BICDL1: variants seen among roughly 807,000 people sequenced by gnomAD.
The protein encoded by BICDL1 is BICD family like cargo adaptor 1, also known as BICD family-like cargo adapter 1.
A neutral mutation model predicts 76.8 loss-of-function variants in BICDL1; 20 were observed. That is an observed-to-expected ratio of 0.26 (90% CI 0.18 to 0.38). BICDL1 has a LOEUF of 0.38. Among genes scored for constraint, BICDL1 ranks in the 10% least tolerant of loss-of-function variants. The pLI, the probability that BICDL1 is intolerant of heterozygous loss-of-function variation, is 1.00. For missense variants in BICDL1, 700 were observed against 798.6 expected (o/e 0.88, Z 1.49); for synonymous variants, 383 against 337.1 (o/e 1.14, Z -1.49).
chr12:120,064,993 G>A, intron 4 of BICDL1, 114 bp downstream of exon 4: 1 of 1,236,038 alleles, frequency 8.1e-7, no homozygotes, highest in Non-Finnish European at 1.1e-6. Context: ...GGGAGTGGAT[G>A]ATGCTGAGGT....
intron 2 of BICDL1, among the ~76,000 whole-genome samples, chr12:120,056,704 G>A (rs1013819090): frequency 1.3e-5 from 2 of 151,630 alleles, no homozygotes; most frequent in African/African-American, 2.4e-5. Context: ...GTGACAGAGC[G>A]AGACTCCGTC....
chr12:120,007,368 T>A (rs914328784), intron 2 of BICDL1, among the ~76,000 whole-genome samples: 1 of 152,178 alleles, frequency 6.6e-6, no homozygotes, highest in Non-Finnish European at 1.5e-5. Flanking sequence ...GACCTGAGAC[T>A]CTGTTCTAGT....
intron 2 of BICDL1, among the ~76,000 whole-genome samples, chr12:120,031,566 G>A (rs1361259340): frequency 6.6e-6 from 1 of 152,110 alleles, no homozygotes; most frequent in Non-Finnish European, 1.5e-5. Context: ...TTCAGAGTAA[G>A]TTGAAGATAT....
intron 2 of BICDL1, among the ~76,000 whole-genome samples, chr12:120,003,158 TAAAAAAAA>T (rs747568511): frequency 7.3e-5 from 10 of 136,656 alleles, no homozygotes; most frequent in Non-Finnish European, 1.6e-4. Flanking sequence ...ACCCCATCTT[TAAAAAAAA>T]AAAAAAAAAA....
In BICDL1 at chr12:120,071,225, G is replaced by A. The variant is rs1471668934; in HGVS notation, c.910-397G>A. 2.0e-5 allele frequency among the ~76,000 whole-genome samples: 3 copies of A among 149,230 alleles called. No individual in the cohort carries two copies. Among genetic ancestry groups the A allele is most frequent in the East Asian group, 2.0e-4 (1 of 4,898 alleles). ...TGGCGTGATCTTAGCTCATTGCAACGTCCGCCTCCTGGGTTCAAGCGATTC... is the reference window on the plus strand; with the variant it reads ...TGGCGTGATCTTAGCTCATTGCAACATCCGCCTCCTGGGTTCAAGCGATTC... On this transcript the variant is annotated intron_variant, in intron 4 of 9. Coordinates refer to ENST00000548673, the MANE Select transcript of BICDL1 (RefSeq NM_001367886.1). This position sits in a 1 kb window ranked among gnomAD's most constrained non-coding sequence, Gnocchi z 4.8.
rs1951463774 is a variant in BICDL1, at chr12:119,989,414, C to T, written c.-455C>T. Among the ~76,000 whole-genome samples the T allele has an allele frequency of 6.6e-6, 1 of 150,706 alleles. No homozygotes were observed. The highest frequency in any genetic ancestry group is 1.5e-5 in the Non-Finnish European group (1 of 67,524). ...GCAGCAGCAGCAGGAAGCGTCGCGG[C>T]GACAGCGGAGCGCAGCCCGCCCCGT... is the stretch of plus-strand genomic sequence containing the variant. On this transcript the variant is annotated 5_prime_UTR_variant, in exon 1 of 10. Transcript: ENST00000548673.
intron 2 of BICDL1, among the ~76,000 whole-genome samples, chr12:120,023,575 G>C (rs1449777585): frequency 6.6e-6 from 1 of 152,072 alleles, no homozygotes; most frequent in Non-Finnish European, 1.5e-5. Context: ...GATAACTTGA[G>C]GTCAGGAGTT....
At chr12:120,074,135 G>A (rs776818803) in intron 6 of BICDL1, among the ~76,000 whole-genome samples, 17 of 152,014 alleles carry the variant, frequency 1.1e-4, no homozygotes, top group Admixed American at 2.0e-4. Context: ...GGATGGTCTC[G>A]ATCTCCTGAC....
intron 2 of BICDL1, among the ~76,000 whole-genome samples, chr12:120,022,412 T>G (rs573612234): frequency 6.8e-6 from 1 of 147,080 alleles, no homozygotes; most frequent in East Asian, 2.0e-4. Context: ...AAATATATAT[T>G]TATATATATA....
intron 2 of BICDL1, among the ~76,000 whole-genome samples, chr12:120,055,321 T>C (rs1400400250): frequency 1.3e-5 from 2 of 152,204 alleles, no homozygotes; most frequent in African/African-American, 4.8e-5. Context: ...CAAGAAAGTG[T>C]GTAGTGAACA....
chr12:120,025,330 G>A (rs778832564), intron 2 of BICDL1, among the ~76,000 whole-genome samples: 9 of 152,162 alleles, frequency 5.9e-5, no homozygotes, highest in Admixed American at 2.0e-4. Flanking sequence ...GATTACAGGC[G>A]TGAACCACCG....
At chr12:120,072,363 G>A (rs1385721315) in intron 5 of BICDL1, 148 bp from the exon 6 acceptor site, 1 of 671,386 alleles carries the variant, frequency 1.5e-6, no homozygotes, top group Non-Finnish European at 2.5e-6. Flanking sequence ...TGGGACAAAT[G>A]AGTTAAAAAA....
intron 2 of BICDL1, among the ~76,000 whole-genome samples, chr12:120,050,861 G>A (rs933374772): frequency 6.6e-6 from 1 of 150,690 alleles, no homozygotes. Context: ...TGAACTCCTG[G>A]CCTCAAGTGA....
chr12:120,070,750 A>G (rs1173925971), intron 4 of BICDL1, among the ~76,000 whole-genome samples: 35 of 136,992 alleles, frequency 2.6e-4, no homozygotes, highest in Non-Finnish European at 4.5e-4. Context: ...TTTTTTTTTG[A>G]GACGGAGTTT....
chr12:120,089,271 C>CGT (rs138992612), intron 8 of BICDL1, among the ~76,000 whole-genome samples: 1,794 of 146,790 alleles, frequency 0.012, 42 homozygotes, highest in African/African-American at 0.041. Flanking sequence ...CCTTTTTCAA[C>CGT]GTGTGTGTGT....
intron 2 of BICDL1, among the ~76,000 whole-genome samples, chr12:120,044,438 T>C (rs1337054361): frequency 6.6e-6 from 1 of 152,178 alleles, no homozygotes; most frequent in Non-Finnish European, 1.5e-5. Context: ...AGTGAAGGGC[T>C]CCTTAGGGTA....
intron 9 of BICDL1, chr12:120,090,844 C>T (rs1038633461): frequency 7.8e-7 from 1 of 1,275,320 alleles, no homozygotes; most frequent in Non-Finnish European, 1.0e-6. Flanking sequence ...CTCCTTGGCT[C>T]CTGCATGGCA....
At position 119,996,911 on chromosome 12, in the gene BICDL1, CTT is replaced by C. The variant is rs1951659887; in HGVS notation, c.430-1607_430-1606del. 2.0e-5 allele frequency among the ~76,000 whole-genome samples: 3 copies of C among 151,820 alleles called. No individual in the cohort carries two copies. In the South Asian group the frequency reaches 6.2e-4, roughly 32 times the overall value. On this transcript the variant is annotated intron_variant, in intron 1 of 9. Coordinates refer to ENST00000548673, the MANE Select transcript of BICDL1 (RefSeq NM_001367886.1). ...TGCTTTTTAAATAGAAGAACATACT[CTT>C]TTCAGAGGCATGCATATTTATCTCA...
chr12:120,090,891 C>G lies in BICDL1; in HGVS notation c.1704+820C>G, dbSNP rs902656347. 5 of 1,288,960 alleles carry G rather than the reference C, an allele frequency of 3.9e-6. No homozygotes were observed. In the South Asian group the frequency reaches 6.2e-5, roughly 16 times the overall value. The allele number at this position is 1,288,960 out of a possible 1,614,324, so 79.8% of individuals were successfully genotyped here. On this transcript the variant is annotated intron_variant, in intron 9 of 9. Transcript: ENST00000548673. ...GCGCCCTGGCTGACCGCTGCTCTCT[C>G]TCTTCTCTCCCGGCTACAGTTTGCT...
Sources: allele counts gnomAD v4.1 joint callset (sites outside exome capture counted in the v4.1 genomes callset), GRCh38; gene constraint gnomAD v4.1.1; non-coding constraint Gnocchi (gnomAD v3.1); transcripts MANE v1.5; gene names NCBI Gene and HGNC (gene_info 2026-07-23, HGNC 2026-07-21).